The following KCNH5 variants were observed in gnomAD, a reference collection of about 807,000 sequenced individuals.
KCNH5 encodes the protein voltage-gated delayed rectifier potassium channel KCNH5.
KCNH5 carries 46 observed loss-of-function variants against 96.1 expected under a neutral mutation model. The ratio of observed to expected loss-of-function variants is 0.48; its 90% CI spans 0.38 to 0.61. The LOEUF is 0.61. Ranked by LOEUF, KCNH5 falls within the 20% of genes least tolerant of loss-of-function variation. The probability of loss-of-function intolerance (pLI) is 0.00; values close to 1 mark genes in which losing one functional copy is unlikely to be tolerated. For missense variants in KCNH5, 907 were observed against 1,225.8 expected, an observed-to-expected ratio of 0.74 and a Z score of 3.88; for synonymous variants, 439 against 449.8, an observed-to-expected ratio of 0.98 and a Z score of 0.30.
At chr14:63,003,494 ATATATATATTTTATATATATTT>A (rs1193195034) in intron 3 of KCNH5, among the ~76,000 whole-genome samples, 2 of 124,564 alleles carry the variant, frequency 1.6e-5, no homozygotes, top group Admixed American at 9.2e-5. Flanking sequence ...TATATATATT[ATATATATATTTTATATATATTT>A]TATATATTTT....
chr14:62,860,640 C>T (rs1888014919), intron 7 of KCNH5, among the ~76,000 whole-genome samples: 1 of 152,160 alleles, frequency 6.6e-6, no homozygotes, highest in African/African-American at 2.4e-5. Flanking sequence ...TTAGAAGCCC[C>T]CAGCTACCTC....
rs938471370 is a variant in KCNH5 at position 62,944,257 on chromosome 14, G to A, written c.1369+5876C>T. Among the ~76,000 whole-genome samples the A allele has an allele frequency of 2.0e-4, 30 of 152,208 alleles. No individual in the cohort carries two copies. In the East Asian group the frequency reaches 4.4e-3, roughly 23 times the overall value. ...TCTGAAAGACATATAAATTTTGGAT[G>A]ACTTTCTCGAGAAAAAGAGTCTATC... On this transcript the variant is annotated intron_variant, in intron 7 of 10. Coordinates refer to ENST00000322893, the MANE Select transcript of KCNH5 (RefSeq NM_139318.5).
intron 7 of KCNH5, among the ~76,000 whole-genome samples, chr14:62,877,861 C>T (rs1192580899): frequency 2.0e-5 from 3 of 151,614 alleles, no homozygotes; most frequent in Non-Finnish European, 2.9e-5. Flanking sequence ...ACCCAAAGGA[C>T]TATAAATCAT....
rs557680287 is a variant in KCNH5 at position 62,820,851 on chromosome 14, C to A, written c.1570-18270G>T. On this transcript the variant is annotated intron_variant, in intron 8 of 10. Coordinates refer to ENST00000322893, the MANE Select transcript of KCNH5 (RefSeq NM_139318.5). ...TGATTTATATTCTTTGGGGTGTATA[C>A]CCAGTAATAGGATTACTGGGTCAAA... 2.0e-5 allele frequency among the ~76,000 whole-genome samples: 3 copies of A among 152,012 alleles called. No individual in the cohort carries two copies. In the East Asian group the frequency reaches 5.8e-4, roughly 29 times the overall value.
intron 7 of KCNH5, among the ~76,000 whole-genome samples, chr14:62,878,837 T>A (rs1053009307): frequency 2.6e-5 from 4 of 152,170 alleles, no homozygotes; most frequent in Non-Finnish European, 4.4e-5. Context: ...TCTCCTTATA[T>A]CTTCACATGG....
chr14:62,906,713 T>C (rs1889034689), intron 7 of KCNH5, among the ~76,000 whole-genome samples: 1 of 152,174 alleles, frequency 6.6e-6, no homozygotes, highest in South Asian at 2.1e-4. Context: ...TCACCATCAA[T>C]AGAATACAAA....
At chr14:62,954,755 C>T (rs1890069596) in intron 6 of KCNH5, among the ~76,000 whole-genome samples, 1 of 152,100 alleles carries the variant, frequency 6.6e-6, no homozygotes, top group Admixed American at 6.6e-5. Flanking sequence ...TTAATGGACT[C>T]ACAGTTCCAC....
intron 7 of KCNH5, among the ~76,000 whole-genome samples, chr14:62,899,759 G>T (rs937564201): frequency 6.6e-6 from 1 of 150,796 alleles, no homozygotes; most frequent in African/African-American, 2.4e-5. Context: ...GCGTGAACCC[G>T]GGAGGCGGAG....
At chr14:62,769,378 C>T (rs966016361) in intron 10 of KCNH5, among the ~76,000 whole-genome samples, 4 of 152,230 alleles carry the variant, frequency 2.6e-5, no homozygotes, top group African/African-American at 9.6e-5. Context: ...ACACTCTGCT[C>T]AGATTCAAAT....
chr14:63,022,682 C>A lies in KCNH5; in HGVS notation c.74-5728G>T, dbSNP rs1386391766. 5.3e-5 allele frequency among the ~76,000 whole-genome samples: 8 copies of A among 152,112 alleles called. No individual in the cohort carries two copies. In the South Asian group the frequency reaches 1.7e-3, roughly 32 times the overall value. ...TTGTAAAAGCCAAGTTCTCTCCCAG[C>A]ATAAGGACTTTTTATTTGCCATCAT... On this transcript the variant is annotated intron_variant, in intron 1 of 10. Transcript: ENST00000322893.
At chr14:62,862,712 C>T (rs898549951) in intron 7 of KCNH5, among the ~76,000 whole-genome samples, 8 of 152,168 alleles carry the variant, frequency 5.3e-5, no homozygotes, top group African/African-American at 1.9e-4. Context: ...CTGGGTTGTA[C>T]TGAGGGACAA....
chr14:62,829,265 G>A (rs981294022), intron 8 of KCNH5, among the ~76,000 whole-genome samples: 12 of 152,170 alleles, frequency 7.9e-5, no homozygotes, highest in East Asian at 3.9e-4. Flanking sequence ...TTCTGGGGTC[G>A]GGAGGACAGT....
chr14:62,802,630 A>G (rs929553357), intron 8 of KCNH5, 49 bp from the exon 9 acceptor site: 4 of 1,590,514 alleles, frequency 2.5e-6, no homozygotes, highest in African/African-American at 2.7e-5. Flanking sequence ...GGAAGGGGCC[A>G]CTTCAGAAAA....
At chr14:62,948,464 A>T (rs1360590697) in intron 7 of KCNH5, among the ~76,000 whole-genome samples, 2 of 152,154 alleles carry the variant, frequency 1.3e-5, no homozygotes, top group East Asian at 3.9e-4. Context: ...ACCAGGAAGA[A>T]GTTGAATCTC....
chr14:62,885,421 A>T (rs188079270), intron 7 of KCNH5, among the ~76,000 whole-genome samples: 1 of 152,378 alleles, frequency 6.6e-6, no homozygotes. Context: ...GAAGAATAAT[A>T]GTTGAAAATA....
chr14:62,816,852 T>C (rs1382823442), intron 8 of KCNH5, among the ~76,000 whole-genome samples: 3 of 151,558 alleles, frequency 2.0e-5, no homozygotes, highest in Non-Finnish European at 4.4e-5. Context: ...TTTTTTCTTC[T>C]CAAACCGAAT....
intron 7 of KCNH5, among the ~76,000 whole-genome samples, chr14:62,903,515 T>C (rs1243894398): frequency 3.9e-5 from 6 of 152,208 alleles, no homozygotes; most frequent in Admixed American, 6.5e-5. Flanking sequence ...TGACTTTGTA[T>C]ATCTAAGCTT....
At chr14:62,831,638 T>C (rs1412906779) in intron 8 of KCNH5, among the ~76,000 whole-genome samples, 1 of 152,210 alleles carries the variant, frequency 6.6e-6, no homozygotes, top group Admixed American at 6.5e-5. Context: ...TGATTTTGTA[T>C]ATTTCAATAT....
At chr14:62,849,198 G>A (rs953305391) in intron 8 of KCNH5, among the ~76,000 whole-genome samples, 2 of 152,152 alleles carry the variant, frequency 1.3e-5, no homozygotes, top group Non-Finnish European at 2.9e-5. Context: ...TATGAGACAG[G>A]AGAAATTTAG....
Sources: allele counts gnomAD v4.1 joint callset (sites outside exome capture counted in the v4.1 genomes callset), GRCh38; gene constraint gnomAD v4.1.1; transcripts MANE v1.5; gene names NCBI Gene and HGNC (gene_info 2026-07-23, HGNC 2026-07-21).